The following PRKCH variants were observed in gnomAD, a reference collection of about 807,000 sequenced individuals.
The protein encoded by PRKCH is protein kinase C eta type.
Under a neutral mutation model 82.5 loss-of-function variants are expected in PRKCH, and 28 were observed. The ratio of observed to expected loss-of-function variants is 0.34; its 90% CI spans 0.25 to 0.47. PRKCH has a LOEUF of 0.47. PRKCH is among the 20% of genes least tolerant of loss of function. The probability of loss-of-function intolerance (pLI) is 1.00; values close to 1 mark genes in which losing one functional copy is unlikely to be tolerated. For missense variants in PRKCH, 705 were observed against 881.8 expected, an observed-to-expected ratio of 0.80 and a Z score of 2.54; for synonymous variants, 322 against 327.4, an observed-to-expected ratio of 0.98 and a Z score of 0.18.
chr14:61,232,965 A>C (rs1354283277), intron 1 of PRKCH, among the ~76,000 whole-genome samples: 1 of 152,154 alleles, frequency 6.6e-6, no homozygotes, highest in Non-Finnish European at 1.5e-5. Context: ...GGAAACAGAG[A>C]CCAAATATAT....
intron 2 of PRKCH, among the ~76,000 whole-genome samples, chr14:61,413,980 A>G (rs1882421459): frequency 6.6e-6 from 1 of 152,120 alleles, no homozygotes; most frequent in African/African-American, 2.4e-5. Context: ...CTCAGAGCCC[A>G]CACTTTTTGA....
Position 61,457,631 on chromosome 14 carries a change from C to T in PRKCH, c.1230C>T (p.Ala410=), listed in dbSNP as rs143558181. The T allele has an allele frequency of 5.6e-6, 9 of 1,613,992 alleles. No homozygotes were observed. The Admixed American group carries it at 1.0e-4, about 18-fold the overall frequency. Residue 410 remains alanine, a synonymous_variant, in exon 9 of 14, where the codon GCC becomes GCT. Coordinates refer to ENST00000332981, the MANE Select transcript of PRKCH (RefSeq NM_006255.5). The part of the protein sequence containing the change: ...TMTEKRILSL[A]RNHPFLTQLF... ...CCGAGAAAAGGATCCTGTCTCTGGCCCGCAATCACCCCTTCCTCACTCAGT... is the reference window on the plus strand; with the variant it reads ...CCGAGAAAAGGATCCTGTCTCTGGCTCGCAATCACCCCTTCCTCACTCAGT...
chr14:61,346,567 G>A (rs1171868498), intron 1 of PRKCH, among the ~76,000 whole-genome samples: 2 of 152,156 alleles, frequency 1.3e-5, no homozygotes, highest in African/African-American at 4.8e-5. Context: ...CGTGTCTGGG[G>A]TTATGCAACA....
At chr14:61,274,576 G>C (rs1319155839) in intron 1 of PRKCH, among the ~76,000 whole-genome samples, 1 of 152,202 alleles carries the variant, frequency 6.6e-6, no homozygotes, top group African/African-American at 2.4e-5. Context: ...GGATATAGAA[G>C]CAACAGGATC....
chr14:61,406,867 C>A (rs1881979209), intron 2 of PRKCH, among the ~76,000 whole-genome samples: 1 of 152,060 alleles, frequency 6.6e-6, no homozygotes, highest in Non-Finnish European at 1.5e-5. Flanking sequence ...AGGCATGGCT[C>A]CACCAGTGTT....
At chr14:61,248,105 G>T (rs772136521) in intron 1 of PRKCH, among the ~76,000 whole-genome samples, 1 of 152,146 alleles carries the variant, frequency 6.6e-6, no homozygotes, top group Non-Finnish European at 1.5e-5. Flanking sequence ...ACATACCTCA[G>T]TTCTCATGAG....
chr14:61,247,971 A>G (rs2044902914), intron 1 of PRKCH, among the ~76,000 whole-genome samples: 1 of 152,082 alleles, frequency 6.6e-6, no homozygotes, highest in South Asian at 2.1e-4. Flanking sequence ...CAAATACAGG[A>G]TACTCCATCA....
Position 61,210,132 on chromosome 14 carries a change from AT to A in PRKCH, c.-19+22465del, listed in dbSNP as rs2044560840. Among the ~76,000 whole-genome samples, 24 of 36,756 alleles carry A rather than the reference AT, an allele frequency of 6.5e-4. No homozygotes were observed. The East Asian group carries it at 0.012, about 19-fold the overall frequency. The allele number at this position is 36,756 out of a possible 152,430, so 24.1% of individuals were successfully genotyped here. ...AACAAATATATATATATATATATATATATATATATATATATATATATATATA... is the reference window on the plus strand; with the variant it reads ...AACAAATATATATATATATATATATAATATATATATATATATATATATATA... On this transcript the variant is annotated intron_variant, in intron 1 of 3. Coordinates refer to the PRKCH transcript ENST00000555185.
chr14:61,546,110 T>A (rs2043254415), intron 12 of PRKCH, among the ~76,000 whole-genome samples: 1 of 152,270 alleles, frequency 6.6e-6, no homozygotes, highest in Non-Finnish European at 1.5e-5. Flanking sequence ...TTGACTTTCC[T>A]AAGGCAAGAA....
intron 1 of PRKCH, among the ~76,000 whole-genome samples, chr14:61,258,864 T>G (rs944856480): frequency 6.6e-6 from 1 of 152,242 alleles, no homozygotes; most frequent in Non-Finnish European, 1.5e-5. Context: ...ACTACTCATG[T>G]GATGCAAGGT....
At chr14:61,188,990 G>C (rs1435696074) in intron 1 of PRKCH, among the ~76,000 whole-genome samples, 3 of 149,968 alleles carry the variant, frequency 2.0e-5, no homozygotes, top group African/African-American at 7.4e-5. Context: ...AAAGTGCTGA[G>C]ATTACAGTCG....
chr14:61,381,999 C>T (rs1040523993), intron 1 of PRKCH, among the ~76,000 whole-genome samples: 1 of 152,226 alleles, frequency 6.6e-6, no homozygotes, highest in East Asian at 1.9e-4. Context: ...TCAGTAACCT[C>T]ACTGAGCCTC....
At chr14:61,479,497 C>T (rs1348658642) in intron 9 of PRKCH, among the ~76,000 whole-genome samples, 1 of 152,120 alleles carries the variant, frequency 6.6e-6, no homozygotes, top group Admixed American at 6.5e-5. Flanking sequence ...AGGATCTTGC[C>T]CTGCCTGGTC....
chr14:61,513,325 G>T (rs941878949), intron 10 of PRKCH, among the ~76,000 whole-genome samples: 1 of 152,200 alleles, frequency 6.6e-6, no homozygotes, highest in East Asian at 1.9e-4. Context: ...CTAGAGAGCT[G>T]AAATAAGCAT....
intron 2 of PRKCH, among the ~76,000 whole-genome samples, chr14:61,417,752 AAAAG>A (rs1207477895): frequency 7.2e-5 from 11 of 152,184 alleles, no homozygotes; most frequent in Non-Finnish European, 1.0e-4. Flanking sequence ...TTCCTTTAAA[AAAAG>A]AAAGAAAGAG....
intron 12 of PRKCH, among the ~76,000 whole-genome samples, chr14:61,545,916 G>A (rs1437140487): frequency 1.3e-5 from 2 of 152,188 alleles, no homozygotes; most frequent in Admixed American, 1.3e-4. Context: ...GTCTTGCCCA[G>A]AAGAACAGGC....
At chr14:61,544,094 C>T (rs1045403440) in intron 12 of PRKCH, 1 of 152,248 alleles carries the variant, frequency 6.6e-6, no homozygotes, top group African/African-American at 2.4e-5. Flanking sequence ...CCTCCTCTGG[C>T]CTCTTCATGG....
intron 2 of PRKCH, among the ~76,000 whole-genome samples, chr14:61,414,173 C>A (rs541739701): frequency 2.0e-5 from 3 of 152,252 alleles, no homozygotes; most frequent in Admixed American, 1.3e-4. Flanking sequence ...GCCTGTTGCT[C>A]TCCACTCCTC....
At chr14:61,492,557 A>G (rs74584362) in intron 10 of PRKCH, among the ~76,000 whole-genome samples, 1,916 of 152,338 alleles carry the variant, frequency 0.013, 38 homozygotes, top group African/African-American at 0.043. Context: ...TCAGTCTTCA[A>G]CTTACAGCTG....
Sources: allele counts gnomAD v4.1 joint callset (sites outside exome capture counted in the v4.1 genomes callset), GRCh38; gene constraint gnomAD v4.1.1; transcripts MANE v1.5; gene names NCBI Gene and HGNC (gene_info 2026-07-23, HGNC 2026-07-21).